STOX1: variants seen among roughly 807,000 people sequenced by gnomAD.
STOX1 encodes storkhead box 1.
In STOX1, 57 loss-of-function variants were observed where a neutral mutation model predicts 74.8. The ratio of observed to expected loss-of-function variants is 0.76; its 90% CI spans 0.62 to 0.95. The LOEUF (loss-of-function observed/expected upper bound fraction) is 0.95. Among genes scored for constraint, STOX1 ranks in the 40% least tolerant of loss-of-function variants. STOX1 has a pLI of 0.00. For missense variants in STOX1, 1,010 were observed against 1,117.0 expected, an observed-to-expected ratio of 0.90 and a Z score of 1.37; for synonymous variants, 375 against 401.3, an observed-to-expected ratio of 0.93 and a Z score of 0.78.
rs768261306 is a variant in STOX1 at position 68,884,702 on chromosome 10, A to G, written c.906A>G (p.Thr302=). The G allele has an allele frequency of 6.2e-7, 1 of 1,614,174 alleles. No homozygotes were observed. The highest frequency in any genetic ancestry group is 8.5e-7 in the Non-Finnish European group (1 of 1,180,034). The change falls in exon 3 of 4, where the codon ACA becomes ACG. Residue 302 remains threonine, a synonymous_variant. Coordinates refer to ENST00000298596, the MANE Select transcript of STOX1 (RefSeq NM_152709.5). ...AGAGCACCAAACCTTTACCATACAC[A>G]AGAGATAAAGAAAAAGGCAAGAAGT... ...ICESTKPLPY[T]RDKEKGKKFG...
At chr10:68,858,054 C>A (rs970432837) in intron 1 of STOX1, among the ~76,000 whole-genome samples, 1 of 152,090 alleles carries the variant, frequency 6.6e-6, no homozygotes. Flanking sequence ...CCAAGAGAAT[C>A]TGAGTTCTTG....
chr10:68,833,737 T>C (rs1839470257), intron 1 of STOX1, among the ~76,000 whole-genome samples: 1 of 152,236 alleles, frequency 6.6e-6, no homozygotes, highest in Non-Finnish European at 1.5e-5. Flanking sequence ...GTCTGATTCC[T>C]AGGCGCCGGG....
intron 1 of STOX1, among the ~76,000 whole-genome samples, chr10:68,840,319 G>C (rs1839661531): frequency 6.6e-6 from 1 of 152,124 alleles, no homozygotes; most frequent in South Asian, 2.1e-4. Context: ...CAAAAATAGA[G>C]AAGTGGGACT....
intron 1 of STOX1, among the ~76,000 whole-genome samples, chr10:68,872,213 T>G (rs936803821): frequency 6.6e-6 from 1 of 152,192 alleles, no homozygotes; most frequent in South Asian, 2.1e-4. Context: ...CATGAATTTC[T>G]GGCAGACTTC....
intron 1 of STOX1, among the ~76,000 whole-genome samples, chr10:68,853,927 T>C (rs1226829624): frequency 2.6e-5 from 4 of 151,910 alleles, no homozygotes; most frequent in African/African-American, 9.7e-5. Flanking sequence ...TCAGGTGATA[T>C]GCCTGTCTTG....
intron 1 of STOX1, among the ~76,000 whole-genome samples, chr10:68,865,008 C>A (rs1373427391): frequency 6.6e-6 from 1 of 152,146 alleles, no homozygotes; most frequent in Non-Finnish European, 1.5e-5. Flanking sequence ...GAGTAGTAGT[C>A]TGAATTTTGC....
intron 1 of STOX1, among the ~76,000 whole-genome samples, chr10:68,850,984 A>T (rs1047152190): frequency 7.9e-5 from 12 of 151,812 alleles, no homozygotes; most frequent in African/African-American, 2.2e-4. Context: ...GAAAAAAATT[A>T]AAAAACCAGC....
chr10:68,841,934 A>G (rs534175757), intron 1 of STOX1, among the ~76,000 whole-genome samples: 4 of 152,298 alleles, frequency 2.6e-5, no homozygotes, highest in South Asian at 2.1e-4. Context: ...ACAGAGAGCC[A>G]TGTCTCAGAG....
chr10:68,859,406 T>C (rs1378569585), intron 1 of STOX1, among the ~76,000 whole-genome samples: 2 of 152,128 alleles, frequency 1.3e-5, no homozygotes, highest in Non-Finnish European at 2.9e-5. Flanking sequence ...AATTAAAAAC[T>C]AGGCAATCCT....
chr10:68,884,921 C>T lies in STOX1; in HGVS notation c.1125C>T (p.Ile375=). The part of the protein sequence containing the change: ...INPILTVDNL[I]KHTVLMQKYE... ...CCATTTTGACTGTTGACAATTTAAT[C>T]AAACACACTGTCCTAATGCAAAAAT... Residue 375 remains isoleucine, a synonymous_variant, in exon 3 of 4, where the codon ATC becomes ATT. Transcript: ENST00000298596. The T allele has an allele frequency of 6.2e-7, 1 of 1,614,028 alleles. No homozygotes were observed. Among genetic ancestry groups the T allele is most frequent in the Non-Finnish European group, 8.5e-7 (1 of 1,180,020 alleles).
chr10:68,837,920 A>G (rs1444210190), intron 1 of STOX1, among the ~76,000 whole-genome samples: 4 of 152,130 alleles, frequency 2.6e-5, no homozygotes, highest in African/African-American at 4.8e-5. Flanking sequence ...CTTTACATCT[A>G]TTTGTGCCTT....
At chr10:68,858,321 A>G (rs1266572622) in intron 1 of STOX1, among the ~76,000 whole-genome samples, 2 of 152,090 alleles carry the variant, frequency 1.3e-5, no homozygotes, top group East Asian at 1.9e-4. Context: ...AAGAGTTGCA[A>G]ACTTTACATT....
rs1053251476 is a variant in STOX1 at position 68,885,441 on chromosome 10, G to C, written c.1645G>C (p.Glu549Gln). The stretch of plus-strand genomic sequence containing the variant: ...AAGAATCTTTGATGGTAAAGCCAAA[G>C]AGCCATATGCTGAACAACCTAATGA... ...SSRIFDGKAK[E>Q]PYAEQPNDKM... Residue 549 changes from glutamate (E) to glutamine (Q), a missense_variant, in exon 3 of 4, where the codon GAG (glutamate) becomes CAG (glutamine). By Grantham distance (29) the Glu-to-Gln change is conservative (BLOSUM62 2). Coordinates refer to ENST00000298596, the MANE Select transcript of STOX1 (RefSeq NM_152709.5). 1.9e-6 allele frequency: 3 copies of C among 1,614,076 alleles called. No homozygotes were observed. Among genetic ancestry groups the C allele is most frequent in the Admixed American group, 1.7e-5 (1 of 59,998 alleles).
chr10:68,868,769 A>C (rs1840467235), intron 1 of STOX1, among the ~76,000 whole-genome samples: 1 of 152,228 alleles, frequency 6.6e-6, no homozygotes, highest in African/African-American at 2.4e-5. Context: ...ACTAGTAATG[A>C]CATGGAACAG....
At chr10:68,838,027 T>TG (rs1344619405) in intron 1 of STOX1, among the ~76,000 whole-genome samples, 1 of 152,164 alleles carries the variant, frequency 6.6e-6, no homozygotes, top group African/African-American at 2.4e-5. Context: ...CTTTTGGTGA[T>TG]GTTGTCAATG....
chr10:68,861,985 A>AACC (rs1564578816), intron 1 of STOX1, among the ~76,000 whole-genome samples: 2 of 133,704 alleles, frequency 1.5e-5, no homozygotes, highest in African/African-American at 6.1e-5. Context: ...ATTCCAAACT[A>AACC]ACTATCTCCT....
chr10:68,870,455 G>C (rs182566599), intron 1 of STOX1, among the ~76,000 whole-genome samples: 7 of 152,258 alleles, frequency 4.6e-5, no homozygotes, highest in Admixed American at 4.6e-4. Flanking sequence ...GCTTGTAACT[G>C]GTGTGGTAGG....
At chr10:68,857,522 G>A (rs540284886) in intron 1 of STOX1, among the ~76,000 whole-genome samples, 3 of 152,058 alleles carry the variant, frequency 2.0e-5, no homozygotes, top group Admixed American at 1.3e-4. Flanking sequence ...GTAAACACAC[G>A]CTCAGAGTTA....
At chr10:68,842,092 C>G (rs1839704474) in intron 1 of STOX1, among the ~76,000 whole-genome samples, 1 of 152,154 alleles carries the variant, frequency 6.6e-6, no homozygotes, top group African/African-American at 2.4e-5. Context: ...TGGGGCAGAG[C>G]AGTCCTCCCC....
Sources: gnomAD v4.1 joint callset for allele counts (sites outside exome capture counted in the v4.1 genomes callset) on GRCh38, gnomAD v4.1.1 for gene constraint, MANE v1.5 for transcripts, NCBI Gene and HGNC (gene_info 2026-07-23, HGNC 2026-07-21) for gene names.